The following ZMYM5 variants were observed in gnomAD, a reference collection of about 807,000 sequenced individuals.
The protein encoded by ZMYM5 is zinc finger MYM-type protein 5.
ZMYM5 carries 41 observed loss-of-function variants against 61.8 expected under a neutral mutation model. That is an observed-to-expected ratio of 0.66 (90% CI 0.52 to 0.86). The LOEUF (loss-of-function observed/expected upper bound fraction) is 0.86, where lower values mean the gene tolerates loss of function less well. ZMYM5 is among the 40% of genes least tolerant of loss of function. The probability of loss-of-function intolerance (pLI) is 0.00; values close to 1 mark genes in which losing one functional copy is unlikely to be tolerated. For synonymous variants in ZMYM5, 257 were observed against 276.4 expected, an observed-to-expected ratio of 0.93 and a Z score of 0.70; for missense variants, 706 against 786.7, an observed-to-expected ratio of 0.90 and a Z score of 1.23.
At chr13:19,837,512 T>TA (rs750104268) in intron 6 of ZMYM5, 144 bp downstream of exon 6, 2 of 1,599,200 alleles carry the variant, frequency 1.3e-6, no homozygotes, top group Admixed American at 1.8e-5. Context: ...AAGATAGTTC[T>TA]AACATATCCT....
At chr13:19,825,387 G>A (rs538116804) in intron 7 of ZMYM5, among the ~76,000 whole-genome samples, 152 bp from the exon 8 acceptor site, 1 of 152,248 alleles carries the variant, frequency 6.6e-6, no homozygotes, top group African/African-American at 2.4e-5. Context: ...GTTCATGCCT[G>A]TAATCCCAGC....
chr13:19,825,109 G>A lies in ZMYM5; in HGVS notation c.1378C>T (p.Pro460Ser). Residue 460 changes from proline to serine, a missense_variant, in exon 8 of 8, where the codon CCA becomes TCA. Physicochemically the swap from Pro to Ser is moderately conservative, Grantham distance 74. Coordinates refer to ENST00000337963, the MANE Select transcript of ZMYM5 (RefSeq NM_001142684.2). ...TGTGAAGTCTTTTCCTTTTTTTCTG[G>A]GATTCCCTCTATTTTTTTCAAAAGT... The part of the protein sequence containing the change: ...NTLLKKIEGI[P>S]EKKEKTSQLQ... The A allele has an allele frequency of 7.3e-7, 1 of 1,365,774 alleles. No individual in the cohort carries two copies. Among genetic ancestry groups the A allele is most frequent in the Non-Finnish European group, 9.8e-7 (1 of 1,021,138 alleles). 84.6% of individuals were successfully genotyped at this position (1,365,774 alleles called of 1,614,324 possible). A position where few individuals can be genotyped will look rare whatever the true frequency, so the allele number is the denominator to read the frequency against.
At position 19,851,972 on chromosome 13, in the gene ZMYM5, G is replaced by T; in HGVS notation, c.209C>A (p.Ser70Ter). 6.2e-7 allele frequency: 1 copy of T among 1,614,022 alleles called. No homozygotes were observed. The highest frequency in any genetic ancestry group is 8.5e-7 in the Non-Finnish European group (1 of 1,180,004). Residue 70 changes from serine (S) to a stop codon, truncating the protein, a stop_gained, in exon 3 of 8, where the codon TCA becomes TAA. Coordinates refer to ENST00000337963, the MANE Select transcript of ZMYM5 (RefSeq NM_001142684.2). LOFTEE classifies it high-confidence loss of function. ...VVFIESIQPP[S>*]ISAPAIADQR... ...ATCAGCTATTGCTGGAGCAGAAATT[G>T]AAGGAGGTTGTATAGATTCAATAAA... is the stretch of plus-strand genomic sequence containing the variant.
At chr13:19,839,352 G>C (rs2138532993) in intron 4 of ZMYM5, among the ~76,000 whole-genome samples, 1 of 151,624 alleles carries the variant, frequency 6.6e-6, no homozygotes, top group East Asian at 1.9e-4. Context: ...TGACATAAAA[G>C]TAATGCCTGG....
At chr13:19,851,288 G>A in intron 4 of ZMYM5, 67 bp downstream of exon 4, 2 of 1,310,786 alleles carry the variant, frequency 1.5e-6, no homozygotes, top group Non-Finnish European at 2.2e-6. Flanking sequence ...ATAGATATGA[G>A]CTTTACTAAA....
rs1952645926 is a variant in ZMYM5, at chr13:19,835,479, G to A, written c.1249C>T (p.Gln417Ter). Residue 417 changes from glutamine (Q) to a stop codon, truncating the protein, a stop_gained and splice_region_variant, in exon 7 of 8, where the codon CAG (glutamine) becomes TAG (stop). Transcript: ENST00000337963. LOFTEE classifies it high-confidence loss of function. ...CCQSCINEYKQMMETKSKKLT... is the reference protein window; with the variant it reads ...CCQSCINEYK ...TAAAGCTCATGAAAAAGAATTACCT[G>A]TTTATATTCGTTAATACAACTTTGG... The A allele has an allele frequency of 7.3e-7, 1 of 1,366,100 alleles. No individual in the cohort carries two copies. The highest frequency in any genetic ancestry group is 1.5e-5 in the African/African-American group (1 of 67,840). The allele number at this position is 1,366,100 out of a possible 1,614,324, so 84.6% of individuals were successfully genotyped here.
chr13:19,859,542 A>G (rs902097240), intron 2 of ZMYM5, among the ~76,000 whole-genome samples: 7 of 150,890 alleles, frequency 4.6e-5, no homozygotes, highest in African/African-American at 1.7e-4. Context: ...AGCTGGGACT[A>G]CAGGCACCTG....
chr13:19,828,212 G>A (rs558139191), intron 7 of ZMYM5, among the ~76,000 whole-genome samples: 2 of 152,204 alleles, frequency 1.3e-5, no homozygotes, highest in Admixed American at 1.3e-4. Flanking sequence ...GGTGGCTCAC[G>A]CCTGTAATCC....
chr13:19,834,997 T>TC (rs1191447398), intron 7 of ZMYM5, among the ~76,000 whole-genome samples: 3 of 147,704 alleles, frequency 2.0e-5, no homozygotes, highest in Non-Finnish European at 4.5e-5. Context: ...TTTCTTTCTT[T>TC]TTTTTTTTTT....
At chr13:19,831,419 C>G (rs1196966006) in intron 7 of ZMYM5, among the ~76,000 whole-genome samples, 2 of 151,876 alleles carry the variant, frequency 1.3e-5, no homozygotes, top group Non-Finnish European at 2.9e-5. Flanking sequence ...GCCACTGTGC[C>G]CCACTGAGTT....
In ZMYM5 at chr13:19,840,728, G is replaced by A. The variant is rs568503338; in HGVS notation, c.587-1743C>T. Among the ~76,000 whole-genome samples the A allele has an allele frequency of 7.9e-5, 12 of 151,456 alleles. No individual in the cohort carries two copies. The East Asian group carries it at 2.2e-3, about 27-fold the overall frequency. On this transcript the variant is annotated intron_variant, in intron 4 of 7. Coordinates refer to ENST00000337963, the MANE Select transcript of ZMYM5 (RefSeq NM_001142684.2). ...GTCTCGCTCTGTCGCCCAGGCTGGA[G>A]TGCAGTGGTGCGATCTCGGCTCACT...
intron 2 of ZMYM5, among the ~76,000 whole-genome samples, chr13:19,858,585 CA>C (rs34468029): frequency 0.013 from 1,151 of 85,288 alleles, 6 homozygotes; most frequent in African/African-American, 0.047. Flanking sequence ...GACGCTGTTT[CA>C]AAAAAAAAAA....
chr13:19,862,630 T>C (rs1413423969), intron 1 of ZMYM5, among the ~76,000 whole-genome samples, 164 bp from the exon 2 acceptor site: 2 of 151,026 alleles, frequency 1.3e-5, no homozygotes, highest in African/African-American at 4.9e-5. Context: ...AAAAGAACTA[T>C]AGGAACCGCA....
At chr13:19,836,651 C>G (rs1952683826) in intron 6 of ZMYM5, among the ~76,000 whole-genome samples, 1 of 152,020 alleles carries the variant, frequency 6.6e-6, no homozygotes, top group Non-Finnish European at 1.5e-5. Context: ...AGTTCACTGC[C>G]CTAGAACATT....
rs761783939 is a variant in ZMYM5 at position 19,851,998 on chromosome 13, CACA to C, written c.180_182del (p.Val61del). The C allele has an allele frequency of 1.3e-4, 217 of 1,613,722 alleles. No individual in the cohort carries two copies. Among genetic ancestry groups the C allele is most frequent in the Non-Finnish European group, 1.7e-4 (201 of 1,179,982 alleles). On this transcript the variant is annotated inframe_deletion, in exon 3 of 8. Transcript: ENST00000337963. ...AAGGAGGTTGTATAGATTCAATAAACACAACATCATCATCATCATCATCATCTT... is the reference window on the plus strand; with the variant it reads ...AAGGAGGTTGTATAGATTCAATAAACACATCATCATCATCATCATCATCTT...
intron 5 of ZMYM5, 49 bp downstream of exon 5, chr13:19,838,651 T>C: frequency 3.8e-6 from 6 of 1,586,308 alleles, no homozygotes; most frequent in Non-Finnish European, 5.2e-6. Context: ...TACTTATTTA[T>C]ACCATTAGTA....
intron 7 of ZMYM5, 62 bp from the exon 8 acceptor site, chr13:19,825,297 C>T: frequency 8.6e-7 from 1 of 1,159,764 alleles, no homozygotes. Flanking sequence ...AATGTATATT[C>T]AAATGCTCAA....
At chr13:19,843,745 AG>A (rs1233387038) in intron 4 of ZMYM5, 4 of 151,768 alleles carry the variant, frequency 2.6e-5, no homozygotes, top group African/African-American at 7.3e-5. Flanking sequence ...CTGAGGTGGG[AG>A]AACGGCTTGA....
chr13:19,857,144 C>T (rs1953546450), intron 2 of ZMYM5, among the ~76,000 whole-genome samples: 1 of 152,164 alleles, frequency 6.6e-6, no homozygotes, highest in Admixed American at 6.5e-5. Flanking sequence ...CAAAAAATCC[C>T]TTACCATAAA....
Sources: gnomAD v4.1 joint callset for allele counts (sites outside exome capture counted in the v4.1 genomes callset) on GRCh38, gnomAD v4.1.1 for gene constraint, MANE v1.5 for transcripts, NCBI Gene and HGNC (gene_info 2026-07-23, HGNC 2026-07-21) for gene names.